The following ZNF705G variants were observed in gnomAD, a reference collection of about 807,000 sequenced individuals.
ZNF705G encodes the protein putative zinc finger protein 705G.
ZNF705G carries 23 observed loss-of-function variants against 19.6 expected under a neutral mutation model. The observed-to-expected ratio is 1.17, with a 90% confidence interval of 0.84 to 1.66. The LOEUF (loss-of-function observed/expected upper bound fraction) is 1.66, where lower values mean the gene tolerates loss of function less well. Ranked by LOEUF, ZNF705G falls within the 40% of genes most tolerant of loss-of-function variation. The pLI is 0.00. For missense variants in ZNF705G, 457 were observed against 354.4 expected (o/e 1.29, Z -2.32); for synonymous variants, 146 against 117.7 (o/e 1.24, Z -1.56).
intron 2 of ZNF705G, among the ~76,000 whole-genome samples, chr8:7,379,195 T>C (rs1422743530): frequency 6.7e-6 from 1 of 148,228 alleles, no homozygotes; most frequent in Admixed American, 6.6e-5. Context: ...TTATGTCACA[T>C]GGACTACTCG....
chr8:7,362,340 C>T (rs1417851462), intron 3 of ZNF705G, among the ~76,000 whole-genome samples: 1 of 149,752 alleles, frequency 6.7e-6, no homozygotes, highest in Non-Finnish European at 1.5e-5. Flanking sequence ...GTTGTCCTTT[C>T]ACAAAGTTTT....
chr8:7,365,375 A>ATTTTTTTTTTTTTTTTTTTTTTTTT (rs71253679), intron 2 of ZNF705G, among the ~76,000 whole-genome samples: 1 of 112,056 alleles, frequency 8.9e-6, no homozygotes, highest in Non-Finnish European at 1.7e-5. Flanking sequence ...GTCTCTCTCT[A>ATTTTTTTTTTTTTTTTTTTTTTTTT]TTTTTTTTTT....
chr8:7,362,906 T>A (rs1585412319), intron 3 of ZNF705G, 29 bp downstream of exon 3: 1 of 1,584,486 alleles, frequency 6.3e-7, no homozygotes, highest in Non-Finnish European at 8.5e-7. Flanking sequence ...TGGGTATAAT[T>A]TCAGTAGAAA....
chr8:7,357,936 G>A lies in ZNF705G; in HGVS notation c.*40C>T, dbSNP rs533671986. 1,871 of 1,605,556 alleles carry A rather than the reference G, an allele frequency of 1.2e-3. 15 individuals are homozygous for A. Among genetic ancestry groups the A allele is most frequent in the Non-Finnish European group, 1.5e-3 (1,757 of 1,178,564 alleles). On this transcript the variant is annotated 3_prime_UTR_variant, in exon 7 of 7. Coordinates refer to ENST00000400156, the MANE Select transcript of ZNF705G (RefSeq NM_001164457.3). ...TGTCTGAAGGCTTTCCCACATAAAT[G>A]GCATTCATATGGCTTTTCTCCAGTG...
intron 2 of ZNF705G, among the ~76,000 whole-genome samples, chr8:7,364,016 G>A (rs760559699): frequency 1.3e-5 from 2 of 149,388 alleles, no homozygotes; most frequent in Admixed American, 1.3e-4. Context: ...AATACAAAAT[G>A]ACTTAGGAGA....
intron 6 of ZNF705G, among the ~76,000 whole-genome samples, chr8:7,358,881 A>G (rs1019273889): frequency 6.7e-6 from 1 of 149,412 alleles, no homozygotes; most frequent in African/African-American, 2.6e-5. Context: ...AAATTGCACC[A>G]TGGCAATGCA....
In ZNF705G at chr8:7,358,493, G is replaced by C. The variant is rs958451600; in HGVS notation, c.386C>G (p.Ser129Cys). The change falls in exon 7 of 7, where the codon TCC becomes TGC. Residue 129 changes from serine to cysteine, a missense_variant. Physicochemically the swap from Ser to Cys is moderately radical, Grantham distance 112 (BLOSUM62 -1). Coordinates refer to ENST00000400156, the MANE Select transcript of ZNF705G (RefSeq NM_001164457.3). ...AGTTAACAAACACTGAGTTATTGTG[G>C]AACTGCGAGTGCAATCTTCTCCCGA... is the stretch of plus-strand genomic sequence containing the variant. The part of the protein sequence containing the change: ...NDSGEDCTRS[S>C]TITQCLLTHS... 1.9e-6 allele frequency: 3 copies of C among 1,607,478 alleles called. No individual in the cohort carries two copies. Among genetic ancestry groups the C allele is most frequent in the African/African-American group, 1.4e-5 (1 of 71,182 alleles).
chr8:7,364,791 A>G (rs577887178), intron 2 of ZNF705G, among the ~76,000 whole-genome samples: 9 of 149,628 alleles, frequency 6.0e-5, no homozygotes, highest in African/African-American at 2.3e-4. Context: ...CCAGTAACAT[A>G]TGACTCCATC....
chr8:7,359,108 C>G (rs771134440), intron 6 of ZNF705G, among the ~76,000 whole-genome samples: 5 of 149,576 alleles, frequency 3.3e-5, no homozygotes, highest in Non-Finnish European at 7.4e-5. Flanking sequence ...TTCTACCCAC[C>G]TTTTACATGA....
chr8:7,364,628 G>A (rs1257939995), intron 2 of ZNF705G, among the ~76,000 whole-genome samples: 2 of 149,352 alleles, frequency 1.3e-5, no homozygotes, highest in East Asian at 1.9e-4. Context: ...TATGATTCTG[G>A]GGACTCCAGT....
At chr8:7,366,506 T>C (rs2128839918) in intron 2 of ZNF705G, among the ~76,000 whole-genome samples, 1 of 149,554 alleles carries the variant, frequency 6.7e-6, no homozygotes, top group Admixed American at 6.6e-5. Context: ...AGACAGAATC[T>C]AACATCTGAA....
At position 7,356,867 on chromosome 8, in the gene ZNF705G, T is replaced by A. The variant is rs1405861469; in HGVS notation, c.*1109A>T. The A allele has an allele frequency of 6.7e-6, 1 of 150,000 alleles. No individual in the cohort carries two copies. The highest frequency in any genetic ancestry group is 1.5e-5 in the Non-Finnish European group (1 of 68,026). 9.3% of individuals were successfully genotyped at this position (150,000 alleles called of 1,614,324 possible). Reference sequence around the variant, plus strand: ...TCTTTTGGAAAAGTTTAATGAGATTTCTTATATAATTCTGCACGCAATTTA... The same window carrying A: ...TCTTTTGGAAAAGTTTAATGAGATTACTTATATAATTCTGCACGCAATTTA... On this transcript the variant is annotated 3_prime_UTR_variant, in exon 7 of 7. Transcript: ENST00000400156.
At chr8:7,381,011 G>T (rs1585430588) in intron 2 of ZNF705G, among the ~76,000 whole-genome samples, 1 of 29,114 alleles carries the variant, frequency 3.4e-5, no homozygotes, top group East Asian at 1.3e-3. Context: ...GCTAGACTCT[G>T]TCTCAAACCA....
chr8:7,357,138 C>T lies in ZNF705G; in HGVS notation c.*838G>A, dbSNP rs973786907. 2.0e-5 allele frequency: 3 copies of T among 150,516 alleles called. No homozygotes were observed. The highest frequency in any genetic ancestry group is 5.1e-5 in the African/African-American group (2 of 39,212). The allele number at this position is 150,516 out of a possible 1,614,324, so 9.3% of individuals were successfully genotyped here. On this transcript the variant is annotated 3_prime_UTR_variant, in exon 7 of 7. Coordinates refer to ENST00000400156, the MANE Select transcript of ZNF705G (RefSeq NM_001164457.3). ...ATGAATTACCACTAAAGAATTTTCT[C>T]CTTTCAAGATGCTAACCATGTTTTG... is the stretch of plus-strand genomic sequence containing the variant.
intron 2 of ZNF705G, among the ~76,000 whole-genome samples, chr8:7,372,209 C>A: frequency 6.9e-6 from 1 of 144,916 alleles, no homozygotes; most frequent in Admixed American, 6.9e-5. Flanking sequence ...AGAAAGTTTA[C>A]ATTATTTAAT....
rs1806479947 is a variant in ZNF705G at position 7,359,663 on chromosome 8, T to C, written c.274A>G (p.Met92Val). 1.2e-6 allele frequency: 2 copies of C among 1,606,888 alleles called. No homozygotes were observed. The highest frequency in any genetic ancestry group is 1.7e-6 in the Non-Finnish European group (2 of 1,179,306). ...GCGTCTTTTCTGGTGATAGGATGCATGGATATCATGTGTGTTTTCTTAAGG... is the reference window on the plus strand; with the variant it reads ...GCGTCTTTTCTGGTGATAGGATGCACGGATATCATGTGTGTTTTCTTAAGG... The part of the protein sequence containing the change: ...SALKKTHMIS[M>V]HPITRKDAST... The change falls in exon 6 of 7, where the codon ATG (methionine) becomes GTG (valine). Residue 92 changes from methionine to valine, a missense_variant. Physicochemically the swap from Met to Val is conservative, Grantham distance 21. Transcript: ENST00000400156.
intron 2 of ZNF705G, among the ~76,000 whole-genome samples, chr8:7,380,239 C>T (rs1457384421): frequency 4.2e-4 from 61 of 144,718 alleles, no homozygotes; most frequent in Admixed American, 2.6e-3. Context: ...TGGGGACTCA[C>T]CTGCCTGAGC....
chr8:7,380,349 G>C lies in ZNF705G; in HGVS notation c.-72+1103C>G, dbSNP rs192671292. ...AGGCTGGGGATCAACCCACACTGCT[G>C]TCTGTCATTGGCACCTGTGCATGCC... On this transcript the variant is annotated intron_variant, in intron 2 of 6. Coordinates refer to ENST00000400156, the MANE Select transcript of ZNF705G (RefSeq NM_001164457.3). Among the ~76,000 whole-genome samples the C allele has an allele frequency of 8.8e-5, 13 of 147,544 alleles. 3 individuals are homozygous for C. Among genetic ancestry groups the C allele is most frequent in the African/African-American group, 3.2e-4 (12 of 36,980 alleles).
chr8:7,368,392 A>T (rs556819094), intron 2 of ZNF705G, among the ~76,000 whole-genome samples: 1 of 149,812 alleles, frequency 6.7e-6, no homozygotes, highest in African/African-American at 2.6e-5. Context: ...CAGACAAACT[A>T]GAGTCTTCTG....
Sources: gnomAD v4.1 joint callset for allele counts (sites outside exome capture counted in the v4.1 genomes callset) on GRCh38, gnomAD v4.1.1 for gene constraint, MANE v1.5 for transcripts, NCBI Gene and HGNC (gene_info 2026-07-23, HGNC 2026-07-21) for gene names.